The following RRAGD variants were observed in gnomAD, a reference collection of about 807,000 sequenced individuals.
RRAGD encodes ras-related GTP-binding protein D.
In RRAGD, 12 loss-of-function variants were observed where a neutral mutation model predicts 35.5. The ratio of observed to expected loss-of-function variants is 0.34; its 90% CI spans 0.22 to 0.55. The LOEUF (loss-of-function observed/expected upper bound fraction) is 0.55, where lower values mean the gene tolerates loss of function less well. RRAGD is among the 20% of genes least tolerant of loss of function. The probability of loss-of-function intolerance (pLI) is 0.91; values close to 1 mark genes in which losing one functional copy is unlikely to be tolerated. For synonymous variants in RRAGD, 155 were observed against 178.9 expected (o/e 0.87, Z 1.07); for missense variants, 324 against 490.1 (o/e 0.66, Z 3.20).
At chr6:89,375,522 G>A (rs1582505345) in intron 5 of RRAGD, among the ~76,000 whole-genome samples, 1 of 152,236 alleles carries the variant, frequency 6.6e-6, no homozygotes, top group East Asian at 1.9e-4. Context: ...CTGGGGCACA[G>A]CCTCAGCTGA....
chr6:89,397,952 G>A (rs537569996), intron 1 of RRAGD, among the ~76,000 whole-genome samples: 2 of 152,290 alleles, frequency 1.3e-5, no homozygotes, highest in Admixed American at 6.5e-5. Context: ...TTCAAGACTA[G>A]CCTGGCCAAC....
At chr6:89,388,168 C>T (rs1470911921) in intron 1 of RRAGD, among the ~76,000 whole-genome samples, 1 of 152,200 alleles carries the variant, frequency 6.6e-6, no homozygotes, top group Non-Finnish European at 1.5e-5. Context: ...AGGCAGACAT[C>T]TCTCAGGCCC....
At chr6:89,397,686 T>C (rs1769366257) in intron 1 of RRAGD, among the ~76,000 whole-genome samples, 2 of 152,054 alleles carry the variant, frequency 1.3e-5, no homozygotes, top group African/African-American at 4.8e-5. Flanking sequence ...CAAATTGTGA[T>C]GCATCTCAGC....
At chr6:89,377,614 TG>T (rs1582506689) in intron 5 of RRAGD, 56 bp downstream of exon 5, 11 of 1,441,348 alleles carry the variant, frequency 7.6e-6, no homozygotes, top group Middle Eastern at 1.8e-4. Flanking sequence ...GCAAAATGCC[TG>T]AAAGGTTATG....
intron 1 of RRAGD, among the ~76,000 whole-genome samples, chr6:89,394,937 T>C (rs151007847): frequency 8.5e-5 from 13 of 152,262 alleles, no homozygotes; most frequent in African/African-American, 2.6e-4. Flanking sequence ...CAATTTTTAA[T>C]GTCTAGGGAG....
At chr6:89,408,833 A>G (rs1355239324) in intron 1 of RRAGD, among the ~76,000 whole-genome samples, 4 of 152,212 alleles carry the variant, frequency 2.6e-5, no homozygotes, top group African/African-American at 4.8e-5. Flanking sequence ...CAAAAGATTT[A>G]AAGTCCATGA....
chr6:89,393,595 C>T (rs1713974224), intron 1 of RRAGD, among the ~76,000 whole-genome samples: 1 of 152,220 alleles, frequency 6.6e-6, no homozygotes, highest in Non-Finnish European at 1.5e-5. Context: ...CTCACCTCTC[C>T]TAACTCTCAC....
In RRAGD at chr6:89,391,789, C is replaced by CA. The variant is rs1292242985; in HGVS notation, c.149-4200dup. Among the ~76,000 whole-genome samples, 118 of 149,676 alleles carry CA rather than the reference C, an allele frequency of 7.9e-4. 1 individual carries two copies. The highest frequency in any genetic ancestry group is 5.5e-3 in the East Asian group (28 of 5,080). On this transcript the variant is annotated intron_variant, in intron 1 of 6. Coordinates refer to ENST00000369415, the MANE Select transcript of RRAGD (RefSeq NM_021244.5). ...GCAACATGTCAAAACCCCATCTCTA[C>CA]AAAAAAAAATGCTAAAAATTAGCCA...
intron 5 of RRAGD, among the ~76,000 whole-genome samples, chr6:89,373,429 T>A (rs748183656): frequency 5.9e-5 from 9 of 152,086 alleles, no homozygotes; most frequent in Non-Finnish European, 1.3e-4. Flanking sequence ...CTGGCCAATA[T>A]GGGTGAAACC....
chr6:89,370,965 A>G (rs1178756085), intron 6 of RRAGD, among the ~76,000 whole-genome samples: 1 of 146,042 alleles, frequency 6.8e-6, no homozygotes, highest in African/African-American at 2.4e-5. Context: ...TCTGATAAAA[A>G]TAAACAATGT....
intron 1 of RRAGD, among the ~76,000 whole-genome samples, chr6:89,410,874 A>G (rs1382270025): frequency 6.6e-6 from 1 of 152,228 alleles, no homozygotes; most frequent in Non-Finnish European, 1.5e-5. Flanking sequence ...GTGAAACATT[A>G]AAGTTAGTTC....
chr6:89,377,309 G>A (rs1027392811), intron 5 of RRAGD, among the ~76,000 whole-genome samples: 12 of 152,110 alleles, frequency 7.9e-5, no homozygotes, highest in Admixed American at 3.3e-4. Flanking sequence ...CTGCCACATC[G>A]AATAGTTGAG....
At chr6:89,406,674 G>A (rs1312576743) in intron 1 of RRAGD, among the ~76,000 whole-genome samples, 2 of 152,128 alleles carry the variant, frequency 1.3e-5, no homozygotes, top group African/African-American at 4.8e-5. Flanking sequence ...GGTGTGATCC[G>A]ATTCTTCCGG....
chr6:89,394,972 G>A (rs1769305734), intron 1 of RRAGD, among the ~76,000 whole-genome samples: 2 of 152,114 alleles, frequency 1.3e-5, no homozygotes, highest in Non-Finnish European at 2.9e-5. Flanking sequence ...GAAATGGGAA[G>A]GTGGCCAGGC....
chr6:89,410,044 G>A (rs557364434), intron 1 of RRAGD, among the ~76,000 whole-genome samples: 2 of 152,132 alleles, frequency 1.3e-5, no homozygotes, highest in South Asian at 2.1e-4. Flanking sequence ...AACAGCTAAG[G>A]AGCCTCCAAG....
chr6:89,387,758 C>A (rs939645914), intron 1 of RRAGD, among the ~76,000 whole-genome samples, 168 bp from the exon 2 acceptor site: 1 of 152,114 alleles, frequency 6.6e-6, no homozygotes, highest in Non-Finnish European at 1.5e-5. Flanking sequence ...GCTGACTTCA[C>A]AACCTTAACA....
chr6:89,368,198 T>C lies in RRAGD; in HGVS notation c.1061A>G (p.Asp354Gly), dbSNP rs767170588. The stretch of plus-strand genomic sequence containing the variant: ...CTTCCGGAAGCAATGAAAATTATAG[T>C]CAATTAGCCCTGGAGAAGAGAACAA... Reference protein sequence around the residue: ...EESFERKGLIDYNFHCFRKAI... With the variant: ...EESFERKGLIGYNFHCFRKAI... The change falls in exon 7 of 7, where the codon GAC becomes GGC. Residue 354 changes from aspartate (D) to glycine (G), a missense_variant. Asp to Gly is a moderately conservative substitution (Grantham distance 94). Transcript: ENST00000369415. 2 of 1,612,932 alleles carry C rather than the reference T, an allele frequency of 1.2e-6. No homozygotes were observed. Among genetic ancestry groups the C allele is most frequent in the Admixed American group, 1.7e-5 (1 of 59,638 alleles).
chr6:89,411,397 G>GC lies in RRAGD; in HGVS notation c.148+448dup, dbSNP rs1769689334. On this transcript the variant is annotated intron_variant, in intron 1 of 6. Transcript: ENST00000369415. The surrounding 1 kb of genome is among the most constrained non-coding windows in gnomAD (Gnocchi z 5.6). ...GACACCCGCAGCTGCCGACGACCCTGCCAGTCACGCCGCCGCCGGCTGCCT... is the reference window on the plus strand; with the variant it reads ...GACACCCGCAGCTGCCGACGACCCTGCCCAGTCACGCCGCCGCCGGCTGCCT... 6.5e-6 allele frequency: 1 copy of GC among 153,934 alleles called. No individual in the cohort carries two copies. The highest frequency in any genetic ancestry group is 1.4e-5 in the Non-Finnish European group (1 of 69,244). 9.5% of individuals were successfully genotyped at this position (153,934 alleles called of 1,614,324 possible).
rs544988541 is a variant in RRAGD at position 89,376,812 on chromosome 6, G to A, written c.902+859C>T. Among the ~76,000 whole-genome samples, 20 of 152,218 alleles carry A rather than the reference G, an allele frequency of 1.3e-4. No individual in the cohort carries two copies. In the East Asian group the frequency reaches 3.5e-3, roughly 26 times the overall value. On this transcript the variant is annotated intron_variant, in intron 5 of 6. Coordinates refer to ENST00000369415, the MANE Select transcript of RRAGD (RefSeq NM_021244.5). The stretch of plus-strand genomic sequence containing the variant: ...CAATCCTTACTGATAGTGTGAGCAA[G>A]AGTAAGAAATGTAACCACTCTGAAC...
Sources: gnomAD v4.1 joint callset for allele counts (sites outside exome capture counted in the v4.1 genomes callset) on GRCh38, gnomAD v4.1.1 for gene constraint, Gnocchi (gnomAD v3.1) non-coding constraint, MANE v1.5 for transcripts, NCBI Gene and HGNC (gene_info 2026-07-23, HGNC 2026-07-21) for gene names.